The following DRG2 variants were observed in gnomAD, a reference collection of about 807,000 sequenced individuals.
DRG2 encodes developmentally regulated GTP binding protein 2.
Under a neutral mutation model 53.4 loss-of-function variants are expected in DRG2, and 36 were observed. That is an observed-to-expected ratio of 0.67 (90% CI 0.52 to 0.89). DRG2 has a LOEUF of 0.89. Among genes scored for constraint, DRG2 ranks in the 40% least tolerant of loss-of-function variants. The probability of loss-of-function intolerance (pLI) is 0.00; values close to 1 mark genes in which losing one functional copy is unlikely to be tolerated. For synonymous variants in DRG2, 167 were observed against 192.1 expected, an observed-to-expected ratio of 0.87 and a Z score of 1.08; for missense variants, 342 against 481.2, an observed-to-expected ratio of 0.71 and a Z score of 2.71.
chr17:18,100,053 C>A lies in DRG2; in HGVS notation c.468-310C>A. ...GAAGCATTGTTCATCCACATCCTGG[C>A]AGAGGGGTACACCAGGCCTGCCTCC... is the stretch of plus-strand genomic sequence containing the variant. On this transcript the variant is annotated intron_variant, in intron 5 of 12. Coordinates refer to ENST00000225729, the MANE Select transcript of DRG2 (RefSeq NM_001388.5). This position sits in a 1 kb window ranked among gnomAD's most constrained non-coding sequence, Gnocchi z 4.1. The A allele has an allele frequency of 1.7e-6, 1 of 575,622 alleles. No homozygotes were observed. Among genetic ancestry groups the A allele is most frequent in the Non-Finnish European group, 3.1e-6 (1 of 322,358 alleles). The allele number at this position is 575,622 out of a possible 1,614,324, so 35.7% of individuals were successfully genotyped here.
intron 2 of DRG2, among the ~76,000 whole-genome samples, chr17:18,095,136 C>A (rs891522028): frequency 6.6e-6 from 1 of 151,428 alleles, no homozygotes; most frequent in Non-Finnish European, 1.5e-5. Context: ...ATCAGCCTCC[C>A]GAGTAGCTGG....
chr17:18,098,185 G>A lies in DRG2; in HGVS notation c.226-85G>A. 8.8e-7 allele frequency: 1 copy of A among 1,137,814 alleles called. No individual in the cohort carries two copies. The highest frequency in any genetic ancestry group is 1.5e-5 in the African/African-American group (1 of 64,926). The allele number at this position is 1,137,814 out of a possible 1,614,324, so 70.5% of individuals were successfully genotyped here. A position where few individuals can be genotyped will look rare whatever the true frequency, so the allele number is the denominator to read the frequency against. On this transcript the variant is annotated intron_variant, in intron 2 of 12. Transcript: ENST00000225729. The surrounding 1 kb of genome is among the most constrained non-coding windows in gnomAD (Gnocchi z 4.1). The stretch of plus-strand genomic sequence containing the variant: ...GTGAGAGGGTCTCCTCCTGCTGCCT[G>A]CACCTGCAGGCCCCCAGCCCCTGGG...
At position 18,107,390 on chromosome 17, in the gene DRG2, G is replaced by A. The variant is rs1327335365; in HGVS notation, c.*150G>A. 1.1e-5 allele frequency: 8 copies of A among 754,848 alleles called. No homozygotes were observed. The highest frequency in any genetic ancestry group is 1.7e-5 in the Non-Finnish European group (8 of 458,448). 46.8% of individuals were successfully genotyped at this position (754,848 alleles called of 1,614,324 possible). On this transcript the variant is annotated 3_prime_UTR_variant, in exon 13 of 13. Transcript: ENST00000225729. ...TCTGCTATTTACAGAAGTTTCTTCA[G>A]TAGGCAGACGAAGAGTGTGTTGGGG... is the stretch of plus-strand genomic sequence containing the variant.
In DRG2 at chr17:18,099,401, C is replaced by A; in HGVS notation, c.377-232C>A. On this transcript the variant is annotated intron_variant, in intron 4 of 12. Coordinates refer to ENST00000225729, the MANE Select transcript of DRG2 (RefSeq NM_001388.5). The surrounding 1 kb of genome is among the most constrained non-coding windows in gnomAD (Gnocchi z 4.4). ...GGCCCTGCCACATGGTAGGGGTGGG[C>A]GTAGGACAGCCGTTATTATCCTGTT... is the stretch of plus-strand genomic sequence containing the variant. 1.6e-6 allele frequency: 1 copy of A among 624,926 alleles called. No individual in the cohort carries two copies. Among genetic ancestry groups the A allele is most frequent in the East Asian group, 2.7e-5 (1 of 36,414 alleles). The allele number at this position is 624,926 out of a possible 1,614,324, so 38.7% of individuals were successfully genotyped here. A position where few individuals can be genotyped will look rare whatever the true frequency, so the allele number is the denominator to read the frequency against.
Position 18,099,650 on chromosome 17 carries a change from C to A in DRG2, c.394C>A (p.Gln132Lys). ...CCATCCAGGAAAAGGCCGTGGCCGG[C>A]AGGTGATCGCTGTGGCGCGCACGGC... Reference protein sequence around the residue: ...GAAQGKGRGRQVIAVARTADV... With the variant: ...GAAQGKGRGRKVIAVARTADV... The change falls in exon 5 of 13, where the codon CAG becomes AAG. Residue 132 changes from glutamine (Q) to lysine (K), a missense_variant. Physicochemically the swap from Gln to Lys is moderately conservative, Grantham distance 53. Transcript: ENST00000225729. The surrounding 1 kb of genome is among the most constrained non-coding windows in gnomAD (Gnocchi z 4.4). 6.2e-7 allele frequency: 1 copy of A among 1,606,252 alleles called. No individual in the cohort carries two copies.
At chr17:18,094,255 C>T in intron 2 of DRG2, 1 of 343,154 alleles carries the variant, frequency 2.9e-6, no homozygotes, top group Non-Finnish European at 5.5e-6. Flanking sequence ...GGCACTGTGC[C>T]AGGGACTAGA....
At chr17:18,104,577 G>A (rs756916212) in intron 10 of DRG2, 46 bp from the exon 11 acceptor site, 3 of 1,613,014 alleles carry the variant, frequency 1.9e-6, no homozygotes, top group Non-Finnish European at 2.5e-6. Context: ...AGATGGCAGT[G>A]TGGGCCCTGA....
Position 18,098,422 on chromosome 17 carries a change from G to T in DRG2, c.315+63G>T. 6.8e-7 allele frequency: 1 copy of T among 1,460,504 alleles called. No homozygotes were observed. Among genetic ancestry groups the T allele is most frequent in the Non-Finnish European group, 9.6e-7 (1 of 1,042,432 alleles). 90.5% of individuals were successfully genotyped at this position (1,460,504 alleles called of 1,614,324 possible). On this transcript the variant is annotated intron_variant, in intron 3 of 12. Coordinates refer to ENST00000225729, the MANE Select transcript of DRG2 (RefSeq NM_001388.5). This position sits in a 1 kb window ranked among gnomAD's most constrained non-coding sequence, Gnocchi z 4.1. ...CATGCTTGTGTTTGGACTTGTGCCT[G>T]TGCCCACCCTGTGTGTGAGTCTGGG... is the stretch of plus-strand genomic sequence containing the variant.
Position 18,101,979 on chromosome 17 carries a change from C to A in DRG2, c.788C>A (p.Pro263His). Residue 263 changes from proline to histidine, a missense_variant, in exon 9 of 13, where the codon CCC becomes CAC. Physicochemically the swap from Pro to His is moderately conservative, Grantham distance 77. Coordinates refer to ENST00000225729, the MANE Select transcript of DRG2 (RefSeq NM_001388.5). ...GAGGTGGACCGCCTGGCCCGAAAAC[C>A]CAACAGTGTGGTCATCAGGTGAGGC... Reference protein sequence around the residue: ...MEEVDRLARKPNSVVISCGMK... With the variant: ...MEEVDRLARKHNSVVISCGMK... 1 of 1,611,060 alleles carries A rather than the reference C, an allele frequency of 6.2e-7. No individual in the cohort carries two copies.
chr17:18,104,418 T>G, intron 10 of DRG2: 1 of 1,160,920 alleles, frequency 8.6e-7, no homozygotes. Context: ...AGACGTGATT[T>G]ATTTTGAGTC....
At chr17:18,091,507 A>G (rs1418639065) in intron 1 of DRG2, among the ~76,000 whole-genome samples, 1 of 151,816 alleles carries the variant, frequency 6.6e-6, no homozygotes, top group Non-Finnish European at 1.5e-5. Context: ...AATCTCTTGA[A>G]CCCAGGAGGT....
chr17:18,100,171 TG>T lies in DRG2; in HGVS notation c.468-189del. The T allele has an allele frequency of 1.5e-6, 1 of 648,452 alleles. No individual in the cohort carries two copies. The highest frequency in any genetic ancestry group is 2.7e-6 in the Non-Finnish European group (1 of 372,684). The allele number at this position is 648,452 out of a possible 1,614,324, so 40.2% of individuals were successfully genotyped here. The stretch of plus-strand genomic sequence containing the variant: ...GACCGTAAACCGGGCCAGTCCCCTC[TG>T]GGACTGTGGCAGAGTTTAGAAGTTC... On this transcript the variant is annotated intron_variant, in intron 5 of 12. Coordinates refer to ENST00000225729, the MANE Select transcript of DRG2 (RefSeq NM_001388.5). This position sits in a 1 kb window ranked among gnomAD's most constrained non-coding sequence, Gnocchi z 4.1.
At chr17:18,104,777 C>T in intron 11 of DRG2, 96 bp downstream of exon 11, 1 of 1,585,372 alleles carries the variant, frequency 6.3e-7, no homozygotes, top group Non-Finnish European at 8.6e-7. Context: ...GGGGTGGGCT[C>T]TGCTGGTCTC....
At position 18,100,635 on chromosome 17, in the gene DRG2, G is replaced by A; in HGVS notation, c.607G>A (p.Val203Met). 6.2e-7 allele frequency: 1 copy of A among 1,614,110 alleles called. No homozygotes were observed. Among genetic ancestry groups the A allele is most frequent in the Non-Finnish European group, 8.5e-7 (1 of 1,180,014 alleles). Reference protein sequence around the residue: ...VTLTQCSEKLVQLILHEYKIF... With the variant: ...VTLTQCSEKLMQLILHEYKIF... Reference sequence around the variant, plus strand: ...GCTGACCCAGTGCTCGGAAAAGCTGGTGCAGCTCATCCTGCACGAATACAG... The same window carrying A: ...GCTGACCCAGTGCTCGGAAAAGCTGATGCAGCTCATCCTGCACGAATACAG... The change falls in exon 7 of 13, where the codon GTG becomes ATG. Residue 203 changes from valine to methionine, a missense_variant. By Grantham distance (21) the Val-to-Met change is conservative (BLOSUM62 1). Transcript: ENST00000225729. This position sits in a 1 kb window ranked among gnomAD's most constrained non-coding sequence, Gnocchi z 4.1.
intron 1 of DRG2, among the ~76,000 whole-genome samples, chr17:18,091,352 G>A (rs890397665): frequency 2.0e-5 from 3 of 152,108 alleles, no homozygotes; most frequent in Non-Finnish European, 2.9e-5. Context: ...TTGGGAGGCC[G>A]AGGTGGGTGG....
At chr17:18,092,640 C>A (rs754308238) in intron 1 of DRG2, among the ~76,000 whole-genome samples, 10 of 151,766 alleles carry the variant, frequency 6.6e-5, no homozygotes, top group Middle Eastern at 3.4e-3. Flanking sequence ...TTGAAAAAAA[C>A]CAATATAATA....
chr17:18,099,988 T>G lies in DRG2; in HGVS notation c.467+265T>G. ...CCTGTTCAGAGGCACAGGTGCCTCA[T>G]CACTGCCCAGAACCTGCCAGGAGCC... On this transcript the variant is annotated intron_variant, in intron 5 of 12. Transcript: ENST00000225729. The surrounding 1 kb of genome is among the most constrained non-coding windows in gnomAD (Gnocchi z 4.4). 1.7e-6 allele frequency: 1 copy of G among 588,922 alleles called. No individual in the cohort carries two copies. The highest frequency in any genetic ancestry group is 3.0e-6 in the Non-Finnish European group (1 of 330,726). The allele number at this position is 588,922 out of a possible 1,614,324, so 36.5% of individuals were successfully genotyped here. A position where few individuals can be genotyped will look rare whatever the true frequency, so the allele number is the denominator to read the frequency against.
rs137987734 is a variant in DRG2 at position 18,093,815 on chromosome 17, A to T, written c.67A>T (p.Thr23Ser). ...EIARTQKNKATEYHLGLLKAK... is the reference protein window; with the variant it reads ...EIARTQKNKASEYHLGLLKAK... ...CTGTCTTGCTTTCCATCCTTTAGCC[A>T]CTGAGTATCATCTGGGCCTGCTGAA... The change falls in exon 2 of 13, where the codon ACT becomes TCT. Residue 23 changes from threonine (T) to serine (S), a missense_variant and splice_region_variant. Transcript: ENST00000225729. 8.1e-5 allele frequency: 131 copies of T among 1,613,440 alleles called. No homozygotes were observed. Among genetic ancestry groups the T allele is most frequent in the Non-Finnish European group, 1.1e-4 (128 of 1,179,736 alleles).
intron 1 of DRG2, 66 bp from the exon 2 acceptor site, chr17:18,093,747 C>T: frequency 6.4e-7 from 1 of 1,558,652 alleles, no homozygotes; most frequent in South Asian, 1.2e-5. Context: ...GACATGTGGG[C>T]CCTGCCTGAC....
Sources: allele counts gnomAD v4.1 joint callset (sites outside exome capture counted in the v4.1 genomes callset), GRCh38; gene constraint gnomAD v4.1.1; non-coding constraint Gnocchi (gnomAD v3.1); transcripts MANE v1.5; gene names NCBI Gene and HGNC (gene_info 2026-07-23, HGNC 2026-07-21).